MEGF10: variants seen among roughly 807,000 people sequenced by gnomAD.
MEGF10 encodes multiple EGF like domains 10.
A neutral mutation model predicts 147.5 loss-of-function variants in MEGF10; 86 were observed. That is an observed-to-expected ratio of 0.58 (90% confidence interval 0.49 to 0.70). The LOEUF is 0.70. Ranked by LOEUF, MEGF10 falls within the 30% of genes least tolerant of loss-of-function variation. The pLI is 0.00. For missense variants in MEGF10, 1,329 were observed against 1,487.3 expected (o/e 0.89, Z 1.75); for synonymous variants, 478 against 525.5 (o/e 0.91, Z 1.24).
intron 15 of MEGF10, 133 bp downstream of exon 15, chr5:127,434,954 T>C: frequency 8.1e-7 from 1 of 1,235,130 alleles, no homozygotes. Context: ...TGCTGTGCTG[T>C]GTCTGCAGCT....
At position 127,447,624 on chromosome 5, in the gene MEGF10, G is replaced by A. The variant is rs536051825; in HGVS notation, c.2796G>A (p.Thr932=). ...SHYFTNPSYH[T]LTQCATSPHV... ...ACTTCACCAATCCCAGTTACCACAC[G>A]CTCACCCAGTGTGCCACATCCCCTC... is the stretch of plus-strand genomic sequence containing the variant. The change falls in exon 21 of 25, where the codon ACG becomes ACA. Residue 932 remains threonine, a synonymous_variant. Coordinates refer to ENST00000503335, the MANE Select transcript of MEGF10 (RefSeq NM_001256545.2). 9.3e-6 allele frequency: 15 copies of A among 1,613,956 alleles called. No individual in the cohort carries two copies. Among genetic ancestry groups the A allele is most frequent in the Admixed American group, 1.7e-5 (1 of 60,002 alleles).
intron 4 of MEGF10, among the ~76,000 whole-genome samples, chr5:127,367,898 C>G (rs1312849012): frequency 1.3e-5 from 2 of 152,116 alleles, no homozygotes; most frequent in Middle Eastern, 3.2e-3. Flanking sequence ...TCTCCTGTAC[C>G]CATGCTGCCA....
chr5:127,445,417 C>T (rs1247545583), intron 19 of MEGF10, 40 bp from the exon 20 acceptor site: 4 of 1,490,026 alleles, frequency 2.7e-6, no homozygotes, highest in Admixed American at 1.7e-5. Flanking sequence ...GTTTATCCAG[C>T]ACATTGTCAT....
chr5:127,230,592 A>G, the MEGF10 span, among the ~76,000 whole-genome samples: 3 of 152,236 alleles, frequency 2.0e-5, no homozygotes, highest in African/African-American at 7.2e-5. Flanking sequence ...TGGGTCTGTC[A>G]GGAAAGGAGA....
At chr5:127,242,056 G>A in the MEGF10 span, among the ~76,000 whole-genome samples, 1 of 152,158 alleles carries the variant, frequency 6.6e-6, no homozygotes, top group East Asian at 1.9e-4. Context: ...ACAGGGAGGG[G>A]AACAATGCAG....
intron 4 of MEGF10, among the ~76,000 whole-genome samples, chr5:127,349,579 A>G (rs1762015121): frequency 6.6e-6 from 1 of 152,100 alleles, no homozygotes; most frequent in African/African-American, 2.4e-5. Context: ...CCTTCATATA[A>G]GTGGAATCAG....
At chr5:127,446,867 G>A (rs1023576427) in intron 20 of MEGF10, among the ~76,000 whole-genome samples, 6 of 152,284 alleles carry the variant, frequency 3.9e-5, no homozygotes, top group African/African-American at 1.4e-4. Flanking sequence ...TGGTTCAGCT[G>A]AGCTCTGAAA....
chr5:127,419,298 AC>A (rs2126971220), intron 11 of MEGF10, 58 bp downstream of exon 11: 2 of 1,559,974 alleles, frequency 1.3e-6, no homozygotes, highest in Non-Finnish European at 1.7e-6. Flanking sequence ...TCCTAAAGAC[AC>A]AAAAAAGAAA....
chr5:127,310,178 C>G (rs1406918666), intron 1 of MEGF10, among the ~76,000 whole-genome samples: 3 of 151,102 alleles, frequency 2.0e-5, no homozygotes, highest in Admixed American at 6.6e-5. Context: ...GTGATACGGC[C>G]TTTTTTAAAT....
intron 4 of MEGF10, among the ~76,000 whole-genome samples, chr5:127,354,907 G>C (rs1362397117): frequency 6.6e-6 from 1 of 152,190 alleles, no homozygotes; most frequent in Non-Finnish European, 1.5e-5. Context: ...TTAGGAGAGG[G>C]ATTGGCAGGC....
chr5:127,354,300 G>A (rs966308220), intron 4 of MEGF10, among the ~76,000 whole-genome samples: 3 of 152,204 alleles, frequency 2.0e-5, no homozygotes, highest in Non-Finnish European at 2.9e-5. Context: ...CTTCCAGGAG[G>A]CAGATATGCT....
chr5:127,349,017 CA>C (rs1415450469), intron 4 of MEGF10, among the ~76,000 whole-genome samples: 3 of 150,804 alleles, frequency 2.0e-5, no homozygotes, highest in Admixed American at 6.6e-5. Context: ...GAATCCATCT[CA>C]AAAAAAAATT....
At chr5:127,390,479 T>C (rs1019212899) in intron 5 of MEGF10, among the ~76,000 whole-genome samples, 2 of 152,102 alleles carry the variant, frequency 1.3e-5, no homozygotes, top group African/African-American at 4.8e-5. Context: ...TTTGTAGAGA[T>C]AGGGGCTTGC....
chr5:127,339,770 C>T (rs1374624846), intron 3 of MEGF10, among the ~76,000 whole-genome samples: 3 of 152,120 alleles, frequency 2.0e-5, no homozygotes, highest in Non-Finnish European at 2.9e-5. Context: ...TTGAGTGCAG[C>T]ATCTGCTGAT....
chr5:127,251,693 G>A, the MEGF10 span, among the ~76,000 whole-genome samples: 1 of 151,870 alleles, frequency 6.6e-6, no homozygotes, highest in Non-Finnish European at 1.5e-5. Context: ...AAACATAAAA[G>A]TACTAGACAT....
intron 5 of MEGF10, among the ~76,000 whole-genome samples, chr5:127,388,005 C>A (rs1763498214): frequency 6.6e-6 from 1 of 152,156 alleles, no homozygotes. Context: ...CAATCACTCT[C>A]ATTTATTCAC....
intron 4 of MEGF10, among the ~76,000 whole-genome samples, chr5:127,351,202 A>G (rs1408368015): frequency 6.6e-6 from 1 of 152,188 alleles, no homozygotes; most frequent in African/African-American, 2.4e-5. Flanking sequence ...TTCATACTGA[A>G]GCTATTTTTT....
chr5:127,280,838 A>C, the MEGF10 span, among the ~76,000 whole-genome samples: 2 of 152,242 alleles, frequency 1.3e-5, no homozygotes, highest in South Asian at 4.1e-4. Flanking sequence ...AGACTTGCTG[A>C]GAGGAAGAGC....
the MEGF10 span, among the ~76,000 whole-genome samples, chr5:127,234,116 T>C: frequency 6.6e-6 from 1 of 152,218 alleles, no homozygotes; most frequent in African/African-American, 2.4e-5. Context: ...GCCCCCAGGA[T>C]CCTCCTGTAT....
Sources: gnomAD v4.1 joint callset for allele counts (sites outside exome capture counted in the v4.1 genomes callset) on GRCh38, gnomAD v4.1.1 for gene constraint, MANE v1.5 for transcripts, NCBI Gene and HGNC (gene_info 2026-07-23, HGNC 2026-07-21) for gene names.